Variants in CLCN1 observed in about 807,000 individuals in gnomAD.
CLCN1 encodes chloride voltage-gated channel 1, also known as chloride channel protein 1.
A neutral mutation model predicts 114.5 loss-of-function variants in CLCN1; 100 were observed. The observed-to-expected ratio is 0.87, with a 90% confidence interval of 0.74 to 1.03. The LOEUF is 1.03. Ranked by LOEUF, CLCN1 falls within the 50% of genes least tolerant of loss-of-function variation. The pLI is 0.00. For synonymous variants in CLCN1, 485 were observed against 487.1 expected (o/e 1.00, Z 0.06); for missense variants, 1,188 against 1,250.0 (o/e 0.95, Z 0.75).
intron 6 of CLCN1, chr7:143,323,643 T>C (rs1335552565): frequency 1.6e-6 from 1 of 636,360 alleles, no homozygotes; most frequent in South Asian, 1.5e-5. Context: ...GTCTGTCGTC[T>C]GCTCCCATGC....
At chr7:143,347,353 G>T (rs1350370242) in intron 20 of CLCN1, among the ~76,000 whole-genome samples, 2 of 152,148 alleles carry the variant, frequency 1.3e-5, no homozygotes, top group East Asian at 3.8e-4. Context: ...GGGCATGGTG[G>T]CTCATGCCTG....
chr7:143,319,773 G>T lies in CLCN1; in HGVS notation c.199G>T (p.Glu67Ter). 6.2e-7 allele frequency: 1 copy of T among 1,613,936 alleles called. No individual in the cohort carries two copies. Among genetic ancestry groups the T allele is most frequent in the African/African-American group, 1.3e-5 (1 of 75,024 alleles). Reference sequence around the variant, plus strand: ...TGTCCAGATTTATGGCCATCACAAAGAACAATTCTCAGACAGGGAGCAGGA... The same window carrying T: ...TGTCCAGATTTATGGCCATCACAAATAACAATTCTCAGACAGGGAGCAGGA... ...HPTQIYGHHK[E>*]QFSDREQDIG... is the part of the protein sequence containing the mutation. Residue 67 changes from glutamate to a stop codon, truncating the protein, a stop_gained, in exon 2 of 23, where the codon GAA (glutamate) becomes TAA (stop). Transcript: ENST00000343257. LOFTEE classifies it high-confidence loss of function.
chr7:143,351,553 T>C lies in CLCN1; in HGVS notation c.2596-41T>C, dbSNP rs576407487. ...TCACTGCCCCCGTCTTTTTTCTTTT[T>C]CCAACTTTTTACCCTCTTTTCCTTT... On this transcript the variant is annotated intron_variant, in intron 22 of 22. Coordinates refer to ENST00000343257, the MANE Select transcript of CLCN1 (RefSeq NM_000083.3). 6.8e-5 allele frequency: 109 copies of C among 1,609,186 alleles called. No individual in the cohort carries two copies. In the African/African-American group the frequency reaches 1.4e-3, roughly 21 times the overall value.
chr7:143,336,377 A>C (rs1802891327), intron 12 of CLCN1, among the ~76,000 whole-genome samples: 1 of 151,992 alleles, frequency 6.6e-6, no homozygotes, highest in African/African-American at 2.4e-5. Context: ...TGGGAGGCCA[A>C]AGCAGGCGGA....
Position 143,345,775 on chromosome 7 carries a change from G to C in CLCN1, c.2172+13G>C. On this transcript the variant is annotated intron_variant, in intron 17 of 22. Transcript: ENST00000343257. ...TGGCAAGAGCGAGGTGACCGCGCCGGGAAGGGCTAGGGAGTGGGATAGATC... is the reference window on the plus strand; with the variant it reads ...TGGCAAGAGCGAGGTGACCGCGCCGCGAAGGGCTAGGGAGTGGGATAGATC... 6.2e-7 allele frequency: 1 copy of C among 1,607,508 alleles called. No individual in the cohort carries two copies. The highest frequency in any genetic ancestry group is 8.5e-7 in the Non-Finnish European group (1 of 1,177,742).
intron 11 of CLCN1, 23 bp from the exon 12 acceptor site, chr7:143,332,701 C>G (rs1198402655): frequency 6.2e-7 from 1 of 1,613,634 alleles, no homozygotes; most frequent in Non-Finnish European, 8.5e-7. Flanking sequence ...AGAACCCACC[C>G]TTTCTGCTTC....
At chr7:143,328,123 G>A (rs1181386238) in intron 7 of CLCN1, among the ~76,000 whole-genome samples, 2 of 152,200 alleles carry the variant, frequency 1.3e-5, no homozygotes, top group East Asian at 3.8e-4. Flanking sequence ...CACTTTGAGT[G>A]TATTGAATTT....
chr7:143,330,320 T>A (rs544783704), intron 7 of CLCN1, among the ~76,000 whole-genome samples: 19 of 152,252 alleles, frequency 1.2e-4, no homozygotes, highest in Admixed American at 7.2e-4. Context: ...AGGAGGGTGT[T>A]AAGGAGAGTC....
chr7:143,338,327 T>A (rs796772714), intron 12 of CLCN1, among the ~76,000 whole-genome samples: 4 of 152,324 alleles, frequency 2.6e-5, no homozygotes, highest in African/African-American at 7.2e-5. Context: ...TAAATTTTGA[T>A]CCTTGTTTAA....
chr7:143,346,829 G>A (rs1276376237), intron 19 of CLCN1, 82 bp from the exon 20 acceptor site: 17 of 1,380,168 alleles, frequency 1.2e-5, no homozygotes, highest in Admixed American at 1.7e-5. Context: ...GGCCAGGGAG[G>A]GATGGCTATT....
At chr7:143,346,322 G>A in intron 18 of CLCN1, 71 bp downstream of exon 18, 1 of 1,037,802 alleles carries the variant, frequency 9.6e-7, no homozygotes, top group Non-Finnish European at 1.5e-6. Flanking sequence ...ACCTGACCTT[G>A]ACCTGCATGC....
chr7:143,348,905 A>G (rs1240268786), intron 20 of CLCN1, among the ~76,000 whole-genome samples: 1 of 152,162 alleles, frequency 6.6e-6, no homozygotes, highest in East Asian at 1.9e-4. Context: ...AGCTCCACCA[A>G]TTACTGACTG....
intron 8 of CLCN1, 39 bp from the exon 9 acceptor site, chr7:143,331,193 C>A (rs554038768): frequency 6.9e-7 from 1 of 1,440,382 alleles, no homozygotes; most frequent in Non-Finnish European, 9.8e-7. Flanking sequence ...TGGGTTTCTA[C>A]GAAGCTCCCA....
chr7:143,324,515 C>T lies in CLCN1; in HGVS notation c.853+23C>T, dbSNP rs748742290. 2 of 1,587,092 alleles carry T rather than the reference C, an allele frequency of 1.3e-6. No individual in the cohort carries two copies. The highest frequency in any genetic ancestry group is 2.2e-5 in the South Asian group (2 of 90,524). On this transcript the variant is annotated intron_variant, in intron 7 of 22. Transcript: ENST00000343257. This position sits in a 1 kb window ranked among gnomAD's most constrained non-coding sequence, Gnocchi z 4.6. ...GAGGCAAGTGATTGACCCCCTCCCC[C>T]ATCAATCGGCTTGCCTGGCCTGGCT...
chr7:143,349,823 A>G (rs1803348036), intron 20 of CLCN1, among the ~76,000 whole-genome samples: 1 of 152,222 alleles, frequency 6.6e-6, no homozygotes, highest in African/African-American at 2.4e-5. Context: ...AGCAGGAAGT[A>G]TGGCCAATGT....
At position 143,346,646 on chromosome 7, in the gene CLCN1, G is replaced by T; in HGVS notation, c.2352G>T (p.Lys784Asn). The T allele has an allele frequency of 1.2e-6, 2 of 1,613,352 alleles. No individual in the cohort carries two copies. Among genetic ancestry groups the T allele is most frequent in the South Asian group, 1.1e-5 (1 of 91,064 alleles). ...TGGGCAGAGCTCGCCCCACAAAGAA[G>T]AAAACAACCCAGGTGAGAGGAGATG... is the stretch of plus-strand genomic sequence containing the variant. ...CLLGRARPTKKKTTQDSTDLV... is the reference protein window; with the variant it reads ...CLLGRARPTKNKTTQDSTDLV... The change falls in exon 19 of 23, where the codon AAG (lysine) becomes AAT (asparagine). Residue 784 changes from lysine (K) to asparagine (N), a missense_variant. Physicochemically the swap from Lys to Asn is moderately conservative, Grantham distance 94. Coordinates refer to ENST00000343257, the MANE Select transcript of CLCN1 (RefSeq NM_000083.3).
intron 12 of CLCN1, among the ~76,000 whole-genome samples, chr7:143,335,077 T>C (rs975087442): frequency 1.3e-5 from 2 of 152,226 alleles, no homozygotes; most frequent in Non-Finnish European, 2.9e-5. Context: ...TACGGCAACA[T>C]TGGCATCGTA....
chr7:143,346,096 G>A, intron 17 of CLCN1, 44 bp from the exon 18 acceptor site: 1 of 1,263,008 alleles, frequency 7.9e-7, no homozygotes, highest in Non-Finnish European at 1.2e-6. Context: ...GAAGGCCCAG[G>A]CAGTCTCTGC....
At position 143,330,854 on chromosome 7, in the gene CLCN1, C is replaced by T. The variant is rs752153471; in HGVS notation, c.936C>T (p.Ser312=). ...YWRGFFAATF[S]AFVFRVLAVW... ...GAGGATTCTTTGCAGCCACGTTCAG[C>T]GCCTTTGTGTTTCGAGTGCTGGCAG... The change falls in exon 8 of 23, where the codon AGC becomes AGT. Residue 312 remains serine, a synonymous_variant. Transcript: ENST00000343257. 1.1e-5 allele frequency: 18 copies of T among 1,614,190 alleles called. No individual in the cohort carries two copies. Among genetic ancestry groups the T allele is most frequent in the East Asian group, 6.7e-5 (3 of 44,876 alleles).
Sources: allele counts gnomAD v4.1 joint callset (sites outside exome capture counted in the v4.1 genomes callset), GRCh38; gene constraint gnomAD v4.1.1; non-coding constraint Gnocchi (gnomAD v3.1); transcripts MANE v1.5; gene names NCBI Gene and HGNC (gene_info 2026-07-23, HGNC 2026-07-21).